The following FTO variants were observed in gnomAD, a reference collection of about 807,000 sequenced individuals.
FTO encodes the protein FTO alpha-ketoglutarate dependent dioxygenase.
Under a neutral mutation model 63.9 loss-of-function variants are expected in FTO, and 47 were observed. The observed-to-expected ratio is 0.74, with a 90% CI of 0.58 to 0.94. The LOEUF (loss-of-function observed/expected upper bound fraction) is 0.94. Among genes scored for constraint, FTO ranks in the 40% least tolerant of loss-of-function variants. FTO has a pLI of 0.00. For missense variants in FTO, 562 were observed against 618.1 expected (o/e 0.91, Z 0.96); for synonymous variants, 207 against 224.4 (o/e 0.92, Z 0.69).
chr16:53,727,567 AT>A (rs934956003), intron 1 of FTO, among the ~76,000 whole-genome samples: 6 of 152,024 alleles, frequency 3.9e-5, no homozygotes, highest in African/African-American at 9.7e-5. Flanking sequence ...AGCAAAAGCC[AT>A]TTTTTTTCTT....
chr16:53,989,465 G>A (rs2083751341), intron 8 of FTO, among the ~76,000 whole-genome samples: 1 of 152,126 alleles, frequency 6.6e-6, no homozygotes, highest in Non-Finnish European at 1.5e-5. Context: ...AGGATAGTAG[G>A]AATGTTAATC....
At chr16:53,751,593 C>T (rs891391064) in intron 1 of FTO, among the ~76,000 whole-genome samples, 2 of 152,076 alleles carry the variant, frequency 1.3e-5, no homozygotes, top group Admixed American at 1.3e-4. Flanking sequence ...ATGTCTATAA[C>T]AGGCAAATCT....
At chr16:53,797,534 T>A (rs1255159851) in intron 1 of FTO, among the ~76,000 whole-genome samples, 1 of 152,220 alleles carries the variant, frequency 6.6e-6, no homozygotes, top group African/African-American at 2.4e-5. Context: ...TATATGGATA[T>A]ACCATAATTT....
At chr16:53,726,661 T>A (rs2076159750) in intron 1 of FTO, among the ~76,000 whole-genome samples, 1 of 152,210 alleles carries the variant, frequency 6.6e-6, no homozygotes, top group African/African-American at 2.4e-5. Context: ...ATTTAGGACC[T>A]TCAGATGTGT....
chr16:54,077,897 A>C (rs1322619551), intron 8 of FTO, among the ~76,000 whole-genome samples: 1 of 152,114 alleles, frequency 6.6e-6, no homozygotes, highest in East Asian at 1.9e-4. Flanking sequence ...AGAGTGACTT[A>C]ACCATAAAAA....
At chr16:53,757,603 C>T (rs1011892524) in intron 1 of FTO, among the ~76,000 whole-genome samples, 1 of 151,298 alleles carries the variant, frequency 6.6e-6, no homozygotes, top group African/African-American at 2.4e-5. Flanking sequence ...ATAAAATGCC[C>T]AAGTATATTA....
At chr16:54,017,281 C>G (rs2084473227) in intron 8 of FTO, among the ~76,000 whole-genome samples, 1 of 152,118 alleles carries the variant, frequency 6.6e-6, no homozygotes, top group Non-Finnish European at 1.5e-5. Flanking sequence ...TAGATTGAAC[C>G]AATTAGTCTA....
intron 8 of FTO, among the ~76,000 whole-genome samples, chr16:53,952,331 G>A (rs2082820350): frequency 6.6e-6 from 1 of 152,108 alleles, no homozygotes. Context: ...AAAGAAGAAA[G>A]GTGGAGAAGC....
At chr16:54,000,768 C>T (rs1431343296) in intron 8 of FTO, among the ~76,000 whole-genome samples, 2 of 152,166 alleles carry the variant, frequency 1.3e-5, no homozygotes, top group African/African-American at 4.8e-5. Context: ...AATAATCACC[C>T]ATATATTGCA....
At chr16:54,102,769 C>T (rs1225759790) in intron 8 of FTO, among the ~76,000 whole-genome samples, 5 of 152,142 alleles carry the variant, frequency 3.3e-5, no homozygotes, top group African/African-American at 1.2e-4. Flanking sequence ...TTCTCCAAGG[C>T]AGCAGGATGG....
At position 54,115,797 on chromosome 16, in the gene FTO, T is replaced by C. The variant is rs1294836413; in HGVS notation, c.*3882T>C. On this transcript the variant is annotated 3_prime_UTR_variant, in exon 9 of 9. Transcript: ENST00000471389. Reference sequence around the variant, plus strand: ...TAACTTGGTGAGATATTTTTATGCATTAGATCATCGCTCTATCTGGATTCC... The same window carrying C: ...TAACTTGGTGAGATATTTTTATGCACTAGATCATCGCTCTATCTGGATTCC... 1 of 152,238 alleles carries C rather than the reference T, an allele frequency of 6.6e-6. No homozygotes were observed. The highest frequency in any genetic ancestry group is 1.5e-5 in the Non-Finnish European group (1 of 68,072). The allele number at this position is 152,238 out of a possible 1,614,324, so 9.4% of individuals were successfully genotyped here. A position where few individuals can be genotyped will look rare whatever the true frequency, so the allele number is the denominator to read the frequency against.
intron 1 of FTO, among the ~76,000 whole-genome samples, chr16:53,794,422 T>C (rs533589770): frequency 9.2e-5 from 14 of 152,290 alleles, no homozygotes; most frequent in South Asian, 2.1e-4. Context: ...GTAAGCTGGA[T>C]TGAAGCGATG....
intron 8 of FTO, among the ~76,000 whole-genome samples, chr16:54,009,935 A>AT (rs1332944666): frequency 6.6e-6 from 1 of 152,156 alleles, no homozygotes; most frequent in Non-Finnish European, 1.5e-5. Flanking sequence ...CTGTAAAGTG[A>AT]TGTTTCCCAT....
chr16:53,929,131 C>T (rs1378488321), intron 7 of FTO, among the ~76,000 whole-genome samples: 1 of 152,178 alleles, frequency 6.6e-6, no homozygotes, highest in Non-Finnish European at 1.5e-5. Flanking sequence ...GCATGAGCCA[C>T]ATGTCCTATG....
chr16:53,950,425 T>C (rs2082765488), intron 8 of FTO, among the ~76,000 whole-genome samples: 1 of 152,120 alleles, frequency 6.6e-6, no homozygotes, highest in South Asian at 2.1e-4. Flanking sequence ...ATACGAGAAA[T>C]GTTTTACAAT....
chr16:54,089,239 G>T (rs567398974), intron 8 of FTO, among the ~76,000 whole-genome samples: 2 of 152,324 alleles, frequency 1.3e-5, no homozygotes, highest in Non-Finnish European at 2.9e-5. Context: ...TTTAATTAAA[G>T]ATTCTAGAAT....
At chr16:54,099,212 T>C (rs183958853) in intron 8 of FTO, among the ~76,000 whole-genome samples, 9 of 152,200 alleles carry the variant, frequency 5.9e-5, no homozygotes, top group African/African-American at 1.9e-4. Context: ...ATAGCATGAA[T>C]ATCATTCATT....
chr16:53,940,315 G>A (rs2082497415), intron 8 of FTO, among the ~76,000 whole-genome samples: 1 of 152,120 alleles, frequency 6.6e-6, no homozygotes, highest in Admixed American at 6.5e-5. Flanking sequence ...CGGACTTAAG[G>A]ACTTACCCCT....
chr16:53,958,448 G>A (rs1172403439), intron 8 of FTO, among the ~76,000 whole-genome samples: 3 of 152,176 alleles, frequency 2.0e-5, no homozygotes, highest in African/African-American at 7.2e-5. Flanking sequence ...GCTTCAGGCT[G>A]CAGTCTGTTT....
Sources: allele counts gnomAD v4.1 joint callset (sites outside exome capture counted in the v4.1 genomes callset), GRCh38; gene constraint gnomAD v4.1.1; transcripts MANE v1.5; gene names NCBI Gene and HGNC (gene_info 2026-07-23, HGNC 2026-07-21).